Variants in PLCXD1 observed in about 807,000 individuals in gnomAD.
The protein encoded by PLCXD1 is phosphatidylinositol specific phospholipase C X domain containing 1.
PLCXD1 carries 45 observed loss-of-function variants against 37.8 expected under a neutral mutation model. That is an observed-to-expected ratio of 1.19 (90% confidence interval 0.94 to 1.53). PLCXD1 has a LOEUF of 1.53. PLCXD1 is among the 40% of genes most tolerant of loss of function. PLCXD1 has a pLI of 0.00. For synonymous variants in PLCXD1, 246 were observed against 206.9 expected (o/e 1.19, Z -1.62); for missense variants, 539 against 454.7 (o/e 1.19, Z -1.69).
chrX:289,516 C>CT (rs759211019), intron 3 of PLCXD1, among the ~76,000 whole-genome samples: 18,528 of 135,098 alleles, frequency 0.14, 2,269 homozygotes, highest in African/African-American at 0.31. Flanking sequence ...CTTTCTTTTT[C>CT]TTTTTTTTTT....
chrX:282,565 T>G (rs1239533492), intron 1 of PLCXD1, among the ~76,000 whole-genome samples: 1 of 119,836 alleles, frequency 8.3e-6, no homozygotes, highest in Non-Finnish European at 1.8e-5. Context: ...ATTAAGCAGG[T>G]GTGGTGGCGG....
chrX:291,553 A>T lies in PLCXD1; in HGVS notation c.448A>T (p.Ile150Phe). ...GGAGCGGCATCCACGCGAGGTGGTC[A>T]TCCTGGCCTGCAGAAACTTCGAGGG... ...WLERHPREVVILACRNFEGLS... is the reference protein window; with the variant it reads ...WLERHPREVVFLACRNFEGLS... The change falls in exon 5 of 7, where the codon ATC becomes TTC. Residue 150 changes from isoleucine to phenylalanine, a missense_variant. Transcript: ENST00000381657. 6.2e-7 allele frequency: 1 copy of T among 1,613,086 alleles called. No individual in the cohort carries two copies. The highest frequency in any genetic ancestry group is 1.1e-5 in the South Asian group (1 of 91,026).
rs1187396055 is a variant in PLCXD1, at chrX:300,434, A to G, written c.*1099A>G. 3.5e-5 allele frequency: 3 copies of G among 85,522 alleles called. No individual in the cohort carries two copies. Among genetic ancestry groups the G allele is most frequent in the Non-Finnish European group, 7.9e-5 (3 of 37,966 alleles). 5.3% of individuals were successfully genotyped at this position (85,522 alleles called of 1,614,324 possible). The stretch of plus-strand genomic sequence containing the variant: ...TATATGTGTATATATCGGTGTGTAT[A>G]TATGTATGTATGTTTATACATGTGT... On this transcript the variant is annotated 3_prime_UTR_variant, in exon 7 of 7. Coordinates refer to ENST00000381657, the MANE Select transcript of PLCXD1 (RefSeq NM_018390.4).
At chrX:288,617 G>C (rs2069529460) in intron 2 of PLCXD1, 116 bp from the exon 3 acceptor site, 1 of 1,116,342 alleles carries the variant, frequency 9.0e-7, no homozygotes, top group Non-Finnish European at 1.4e-6. Context: ...CGCCATACCT[G>C]TGCCTGTGCT....
chrX:287,530 CTA>C lies in PLCXD1; in HGVS notation c.128-1197_128-1196del, dbSNP rs1391043741. 1.2e-4 allele frequency among the ~76,000 whole-genome samples: 12 copies of C among 103,582 alleles called. No individual in the cohort carries two copies. In the South Asian group the frequency reaches 2.5e-3, roughly 22 times the overall value. The allele number at this position is 103,582 out of a possible 152,430, so 68.0% of individuals were successfully genotyped here. On this transcript the variant is annotated intron_variant, in intron 2 of 6. Transcript: ENST00000381657. ...ATATGTTTATATATAGATATAGATA[CTA>C]TATATGTTTATATATAGATATAGAT...
chrX:288,685 C>CG (rs1569564482), intron 2 of PLCXD1, 48 bp from the exon 3 acceptor site: 1 of 1,606,356 alleles, frequency 6.2e-7, no homozygotes, highest in Non-Finnish European at 8.5e-7. Context: ...CAGCAGGTGG[C>CG]GGGGACGGAC....
intron 2 of PLCXD1, among the ~76,000 whole-genome samples, chrX:284,968 T>A (rs768798211): frequency 6.6e-6 from 1 of 152,190 alleles, no homozygotes; most frequent in African/African-American, 2.4e-5. Flanking sequence ...TTCGGTGACC[T>A]CCCACCAGGT....
chrX:296,365 C>A (rs2069808588), intron 6 of PLCXD1, among the ~76,000 whole-genome samples: 1 of 151,642 alleles, frequency 6.6e-6, no homozygotes, highest in Non-Finnish European at 1.5e-5. Context: ...CCTCATGATC[C>A]ACCGGCCTCA....
intron 1 of PLCXD1, among the ~76,000 whole-genome samples, chrX:281,896 C>T (rs1210929234): frequency 2.0e-5 from 3 of 151,934 alleles, no homozygotes; most frequent in Non-Finnish European, 4.4e-5. Flanking sequence ...TACAGGCGTG[C>T]GCCACCACGG....
intron 3 of PLCXD1, 54 bp downstream of exon 3, chrX:288,923 C>T (rs749341196): frequency 1.1e-4 from 178 of 1,562,872 alleles, no homozygotes; most frequent in East Asian, 6.7e-4. Flanking sequence ...GTGGGGCCCA[C>T]GGCCCCGTGG....
chrX:295,955 C>T (rs28391474), intron 6 of PLCXD1, among the ~76,000 whole-genome samples: 10,194 of 151,722 alleles, frequency 0.067, 963 homozygotes, highest in African/African-American at 0.21. Flanking sequence ...ATTCTCCCGC[C>T]TCAGCCTCCC....
rs1807558448 is a variant in PLCXD1, at chrX:299,495, T to G, written c.*160T>G. The G allele has an allele frequency of 9.3e-6, 6 of 646,986 alleles. No homozygotes were observed. The allele number at this position is 646,986 out of a possible 1,614,324, so 40.1% of individuals were successfully genotyped here. On this transcript the variant is annotated 3_prime_UTR_variant, in exon 7 of 7. Transcript: ENST00000381657. ...AGATGGGGTGGCTGGGCGTGGTGAC[T>G]TCGCCTGTCTTCCCAGCACTTTGGG...
upstream of PLCXD1, among the ~76,000 whole-genome samples, chrX:276,975 G>A (rs1392245475): frequency 3.3e-5 from 5 of 152,138 alleles, no homozygotes; most frequent in African/African-American, 1.2e-4. Context: ...GCGGGTCACC[G>A]GGCGTCTGGG....
At chrX:296,074 A>C (rs1265016641) in intron 6 of PLCXD1, among the ~76,000 whole-genome samples, 1 of 151,458 alleles carries the variant, frequency 6.6e-6, no homozygotes, top group Non-Finnish European at 1.5e-5. Context: ...GGCCTCCCAA[A>C]GTGGTGGGAT....
intron 6 of PLCXD1, among the ~76,000 whole-genome samples, chrX:293,633 T>C (rs1032201909): frequency 6.6e-6 from 1 of 152,134 alleles, no homozygotes; most frequent in Non-Finnish European, 1.5e-5. Context: ...TCCATGTACA[T>C]TGGCGGGGGG....
At chrX:292,193 C>T (rs1009592605) in intron 5 of PLCXD1, among the ~76,000 whole-genome samples, 4 of 151,704 alleles carry the variant, frequency 2.6e-5, no homozygotes, top group Admixed American at 6.6e-5. Flanking sequence ...CAGTGGCTCA[C>T]ACCTGTCATC....
chrX:284,326 G>A lies in PLCXD1; in HGVS notation c.127+12G>A, dbSNP rs1407564075. Reference sequence around the variant, plus strand: ...CCTCTCCATCCCAGGTGAGGTTGGGGTGGGGCAGGGGCCGTTGCCTCTATC... The same window carrying A: ...CCTCTCCATCCCAGGTGAGGTTGGGATGGGGCAGGGGCCGTTGCCTCTATC... On this transcript the variant is annotated intron_variant, in intron 2 of 6. Transcript: ENST00000381657. 2 of 1,612,556 alleles carry A rather than the reference G, an allele frequency of 1.2e-6. No homozygotes were observed. The highest frequency in any genetic ancestry group is 1.1e-5 in the South Asian group (1 of 91,006).
chrX:285,498 C>T (rs762464565), intron 2 of PLCXD1, among the ~76,000 whole-genome samples: 4 of 152,248 alleles, frequency 2.6e-5, no homozygotes, highest in African/African-American at 7.2e-5. Flanking sequence ...AGAGACACGT[C>T]TATGCAATGC....
Position 299,082 on chromosome X carries a change from C to A in PLCXD1, c.734-15C>A. On this transcript the variant is annotated splice_polypyrimidine_tract_variant and intron_variant, in intron 6 of 6. Coordinates refer to ENST00000381657, the MANE Select transcript of PLCXD1 (RefSeq NM_018390.4). ...CCCGTGACCGTGTAACCTCTCCCCACCCTCACCGTTGCAGGAGGGTTGTTC... is the reference window on the plus strand; with the variant it reads ...CCCGTGACCGTGTAACCTCTCCCCAACCTCACCGTTGCAGGAGGGTTGTTC... 1 of 1,597,666 alleles carries A rather than the reference C, an allele frequency of 6.3e-7. No homozygotes were observed. The highest frequency in any genetic ancestry group is 2.2e-5 in the East Asian group (1 of 44,820).
Sources: gnomAD v4.1 joint callset for allele counts (sites outside exome capture counted in the v4.1 genomes callset) on GRCh38, gnomAD v4.1.1 for gene constraint, MANE v1.5 for transcripts, NCBI Gene and HGNC (gene_info 2026-07-23, HGNC 2026-07-21) for gene names.